USP32: variants seen among roughly 807,000 people sequenced by gnomAD.
USP32 encodes ubiquitin carboxyl-terminal hydrolase 32.
A neutral mutation model predicts 204.8 loss-of-function variants in USP32; 59 were observed. The ratio of observed to expected loss-of-function variants is 0.29; its 90% CI spans 0.23 to 0.36. The LOEUF is 0.36. Among genes scored for constraint, USP32 ranks in the 10% least tolerant of loss-of-function variants. USP32 has a pLI of 1.00. For missense variants in USP32, 1,160 were observed against 1,946.4 expected, an observed-to-expected ratio of 0.60 and a Z score of 7.60; for synonymous variants, 517 against 678.4, an observed-to-expected ratio of 0.76 and a Z score of 3.70.
At chr17:60,392,378 C>A, upstream of USP32, 1 of 261,940 alleles carries the variant, frequency 3.8e-6, no homozygotes, top group Non-Finnish European at 7.6e-6. Context: ...CATCTCCGCA[C>A]GTAACGCATC....
At chr17:60,408,261 A>G (rs2089993874) in intron 1 of USP32, among the ~76,000 whole-genome samples, 1 of 152,232 alleles carries the variant, frequency 6.6e-6, no homozygotes, top group African/African-American at 2.4e-5. Flanking sequence ...AACAGCTATT[A>G]TAACTATATT....
At chr17:60,299,377 G>A (rs1162827874) in intron 3 of USP32, among the ~76,000 whole-genome samples, 1 of 152,100 alleles carries the variant, frequency 6.6e-6, no homozygotes, top group Admixed American at 6.5e-5. Context: ...ACCTGCATCC[G>A]GCAAAAGGAC....
At chr17:60,227,584 T>G (rs2085429806) in intron 12 of USP32, among the ~76,000 whole-genome samples, 1 of 140,760 alleles carries the variant, frequency 7.1e-6, no homozygotes. Flanking sequence ...TTTCTTTTCT[T>G]TTTTTTTTTT....
chr17:60,393,819 G>A (rs1053165257), upstream of USP32, among the ~76,000 whole-genome samples: 1 of 152,022 alleles, frequency 6.6e-6, no homozygotes, highest in Non-Finnish European at 1.5e-5. Flanking sequence ...CGAGTAGTTG[G>A]GATTACAGGC....
intron 5 of USP32, among the ~76,000 whole-genome samples, chr17:60,280,738 C>T (rs936388480): frequency 4.6e-5 from 7 of 152,110 alleles, no homozygotes; most frequent in African/African-American, 1.4e-4. Flanking sequence ...TTCCACATTC[C>T]TAACACATTA....
intron 2 of USP32, among the ~76,000 whole-genome samples, chr17:60,304,288 C>T (rs769570851): frequency 6.6e-6 from 1 of 151,202 alleles, no homozygotes; most frequent in Non-Finnish European, 1.5e-5. Context: ...AGGAAAAAAA[C>T]TCAACCATAA....
intron 2 of USP32, among the ~76,000 whole-genome samples, chr17:60,315,260 C>G (rs1356444515): frequency 6.6e-6 from 1 of 151,966 alleles, no homozygotes. Flanking sequence ...ATTAGCCAGG[C>G]GTGGCGGTGT....
intron 2 of USP32, among the ~76,000 whole-genome samples, chr17:60,321,765 T>C (rs1322483803): frequency 6.6e-6 from 1 of 152,126 alleles, no homozygotes; most frequent in Non-Finnish European, 1.5e-5. Flanking sequence ...AATCTATCAA[T>C]TGGAAATCTG....
At chr17:60,244,789 G>A (rs1474770644) in intron 11 of USP32, among the ~76,000 whole-genome samples, 2 of 152,090 alleles carry the variant, frequency 1.3e-5, no homozygotes, top group African/African-American at 4.8e-5. Flanking sequence ...GCACCACCAC[G>A]CCAGGCTAAT....
At chr17:60,211,623 A>C in intron 19 of USP32, 109 bp from the exon 20 acceptor site, 2 of 1,460,320 alleles carry the variant, frequency 1.4e-6, no homozygotes, top group Non-Finnish European at 1.8e-6. Context: ...TAATCAGCTA[A>C]ATGGTGCTAA....
At chr17:60,277,918 CTTTTTTTT>C (rs11422765) in intron 5 of USP32, among the ~76,000 whole-genome samples, 133 of 132,702 alleles carry the variant, frequency 1.0e-3, no homozygotes, top group African/African-American at 3.8e-3. Flanking sequence ...ATAATAGTTC[CTTTTTTTT>C]TTTTTTTTTG....
Position 60,225,977 on chromosome 17 carries a change from AAAAG to A in USP32, c.1432+58_1432+61del, listed in dbSNP as rs2085375901. The A allele has an allele frequency of 6.5e-5, 96 of 1,486,094 alleles. No homozygotes were observed. The South Asian group carries it at 1.2e-3, about 19-fold the overall frequency. The allele number at this position is 1,486,094 out of a possible 1,614,324, so 92.1% of individuals were successfully genotyped here. A position where few individuals can be genotyped will look rare whatever the true frequency, so the allele number is the denominator to read the frequency against. ...CAAAAAAAAAAAAAAAAAAGAAAAG[AAAAG>A]AAAGACCTATCCAGGGGGAATAAAC... On this transcript the variant is annotated intron_variant, in intron 13 of 33. Coordinates refer to ENST00000300896, the MANE Select transcript of USP32 (RefSeq NM_032582.4).
At chr17:60,256,708 C>T (rs2086316408) in intron 9 of USP32, 1 of 1,132,920 alleles carries the variant, frequency 8.8e-7, no homozygotes, top group African/African-American at 1.7e-5. Flanking sequence ...AACATCAATG[C>T]CTGCACCACG....
chr17:60,371,253 TA>T (rs373242290), intron 1 of USP32, among the ~76,000 whole-genome samples: 2,622 of 66,278 alleles, frequency 0.04, 47 homozygotes, highest in African/African-American at 0.11. Flanking sequence ...CTCTAAAAAT[TA>T]AAAAAAAAAA....
At chr17:60,276,512 G>A (rs557193313) in intron 5 of USP32, among the ~76,000 whole-genome samples, 10 of 152,008 alleles carry the variant, frequency 6.6e-5, no homozygotes, top group Admixed American at 5.9e-4. Context: ...TAGTAGATCA[G>A]CATACAAAAA....
intron 1 of USP32, among the ~76,000 whole-genome samples, chr17:60,401,224 G>C (rs1379215930): frequency 6.6e-6 from 1 of 151,726 alleles, no homozygotes; most frequent in African/African-American, 2.4e-5. Context: ...GGGGGGCCAA[G>C]GTGGGCGTGG....
chr17:60,392,015 C>T lies in USP32; in HGVS notation c.-76G>A. 1.3e-6 allele frequency: 2 copies of T among 1,509,828 alleles called. No individual in the cohort carries two copies. Among genetic ancestry groups the T allele is most frequent in the Non-Finnish European group, 9.0e-7 (1 of 1,114,528 alleles). The allele number at this position is 1,509,828 out of a possible 1,614,324, so 93.5% of individuals were successfully genotyped here. A position where few individuals can be genotyped will look rare whatever the true frequency, so the allele number is the denominator to read the frequency against. On this transcript the variant is annotated 5_prime_UTR_variant, in exon 1 of 34. Coordinates refer to ENST00000300896, the MANE Select transcript of USP32 (RefSeq NM_032582.4). ...CCCCTCCCGCCTTCTCCTCGGCGTCCCTGGGTGACGGTGACGGTGTCGGCG... is the reference window on the plus strand; with the variant it reads ...CCCCTCCCGCCTTCTCCTCGGCGTCTCTGGGTGACGGTGACGGTGTCGGCG...
chr17:60,420,093 ATTTGTTTTGTTTTATTTTATTTAT>A (rs2090098206), intron 1 of USP32, among the ~76,000 whole-genome samples: 1 of 136,372 alleles, frequency 7.3e-6, no homozygotes, highest in Non-Finnish European at 1.5e-5. Context: ...ATTTTATTTT[ATTTGTTTTGTTTTATTTTATTTAT>A]TTTGTTTTAC....
At chr17:60,222,677 ATTT>A (rs373799936) in intron 14 of USP32, 128 bp from the exon 15 acceptor site, 5,645 of 466,006 alleles carry the variant, frequency 0.012, no homozygotes, top group South Asian at 0.019. Flanking sequence ...GAAAAACTTA[ATTT>A]TTTTTTTTTT....
Sources: gnomAD v4.1 joint callset for allele counts (sites outside exome capture counted in the v4.1 genomes callset) on GRCh38, gnomAD v4.1.1 for gene constraint, MANE v1.5 for transcripts, NCBI Gene and HGNC (gene_info 2026-07-23, HGNC 2026-07-21) for gene names.